CNTN3: variants seen among roughly 807,000 people sequenced by gnomAD.
The protein encoded by CNTN3 is contactin-3.
CNTN3 carries 60 observed loss-of-function variants against 119.1 expected under a neutral mutation model. The ratio of observed to expected loss-of-function variants is 0.50; its 90% CI spans 0.41 to 0.62. The LOEUF (loss-of-function observed/expected upper bound fraction) is 0.62, where lower values mean the gene tolerates loss of function less well. Among genes scored for constraint, CNTN3 ranks in the 20% least tolerant of loss-of-function variants. The pLI is 0.00. For missense variants in CNTN3, 1,101 were observed against 1,242.4 expected (o/e 0.89, Z 1.71); for synonymous variants, 450 against 438.7 (o/e 1.03, Z -0.32).
At position 74,301,467 on chromosome 3, in the gene CNTN3, C is replaced by G. The variant is rs140661839; in HGVS notation, c.2026G>C (p.Val676Leu). The G allele has an allele frequency of 1.8e-3, 2,912 of 1,613,898 alleles. 5 individuals are homozygous for G. Among genetic ancestry groups the G allele is most frequent in the Non-Finnish European group, 2.3e-3 (2,772 of 1,179,950 alleles). The change falls in exon 16 of 23, where the codon GTA becomes CTA. Residue 676 changes from valine (V) to leucine (L), a missense_variant. By Grantham distance (32) the Val-to-Leu change is conservative (BLOSUM62 1). Transcript: ENST00000263665. ...NPWVEYEFRV[V>L]ASNKIGGGEP... ...CCACCTCCAATTTTGTTACTGGCTA[C>G]AACCCGAAATTCATATTCCACCCAT... is the stretch of plus-strand genomic sequence containing the variant.
intron 1 of CNTN3, among the ~76,000 whole-genome samples, chr3:74,532,675 G>T (rs1254929374): frequency 3.9e-5 from 6 of 151,922 alleles, no homozygotes; most frequent in Admixed American, 3.9e-4. Context: ...TAGCAGAATG[G>T]TGTGAGATTT....
intron 13 of CNTN3, among the ~76,000 whole-genome samples, chr3:74,303,369 T>C (rs1245147880): frequency 6.6e-6 from 1 of 152,120 alleles, no homozygotes; most frequent in African/African-American, 2.4e-5. Context: ...AACCCCTCAA[T>C]AAGAAGAAAT....
At chr3:74,309,958 T>C (rs1702645139) in intron 13 of CNTN3, among the ~76,000 whole-genome samples, 1 of 152,236 alleles carries the variant, frequency 6.6e-6, no homozygotes, top group South Asian at 2.1e-4. Context: ...ATTGACATAA[T>C]TCAACATGGT....
Position 74,266,619 on chromosome 3 carries a change from C to A in CNTN3, c.2848G>T (p.Val950Leu). Residue 950 changes from valine (V) to leucine (L), a missense_variant, in exon 22 of 23, where the codon GTA becomes TTA. Val to Leu is a conservative substitution (Grantham distance 32). Transcript: ENST00000263665. ...VFYRTSSQNN[V>L]QVLNTNKTSA... ...GTTTTATTTGTGTTCAGTACTTGTACGTTATTTTGACTGCTAGTCCTATAG... is the reference window on the plus strand; with the variant it reads ...GTTTTATTTGTGTTCAGTACTTGTAAGTTATTTTGACTGCTAGTCCTATAG... 6.2e-7 allele frequency: 1 copy of A among 1,613,276 alleles called. No homozygotes were observed. Among genetic ancestry groups the A allele is most frequent in the Non-Finnish European group, 8.5e-7 (1 of 1,179,456 alleles).
rs116355651 is a variant in CNTN3 at position 74,531,498 on chromosome 3, C to T, written c.-80-10306G>A. On this transcript the variant is annotated intron_variant, in intron 1 of 22. Coordinates refer to ENST00000263665, the MANE Select transcript of CNTN3 (RefSeq NM_020872.3). ...TGAGGTAATTCTTAGAGAAAAAGGT[C>T]GGCTTACCTAGGAGATAAGGAAAGA... is the stretch of plus-strand genomic sequence containing the variant. Among the ~76,000 whole-genome samples, 659 of 152,000 alleles carry T rather than the reference C, an allele frequency of 4.3e-3. 6 individuals are homozygous for T. Among genetic ancestry groups the T allele is most frequent in the African/African-American group, 0.015 (627 of 41,498 alleles).
At chr3:74,559,157 G>A (rs1025754871) in intron 1 of CNTN3, among the ~76,000 whole-genome samples, 5 of 152,028 alleles carry the variant, frequency 3.3e-5, no homozygotes, top group African/African-American at 1.2e-4. Context: ...CTAAACCCCA[G>A]TTCTGACACT....
intron 1 of CNTN3, among the ~76,000 whole-genome samples, chr3:74,549,031 G>T (rs987882661): frequency 1.1e-4 from 16 of 152,138 alleles, no homozygotes; most frequent in Admixed American, 8.5e-4. Context: ...ACAACATCAT[G>T]TTAATCAGAC....
intron 8 of CNTN3, among the ~76,000 whole-genome samples, chr3:74,367,580 A>C (rs1704230323): frequency 6.6e-6 from 1 of 152,036 alleles, no homozygotes; most frequent in Non-Finnish European, 1.5e-5. Context: ...AGGATGAGTA[A>C]CAACTGATGT....
chr3:74,585,527 T>C (rs1195581767), intron 1 of CNTN3, among the ~76,000 whole-genome samples: 1 of 152,160 alleles, frequency 6.6e-6, no homozygotes, highest in Non-Finnish European at 1.5e-5. Context: ...GTGACCATCC[T>C]ATATAGTATA....
intron 1 of CNTN3, among the ~76,000 whole-genome samples, chr3:74,588,915 G>A (rs1286903636): frequency 6.6e-6 from 1 of 151,948 alleles, no homozygotes; most frequent in Admixed American, 6.6e-5. Context: ...GTAGAAAGCT[G>A]AAACTGGATC....
At chr3:74,278,215 A>G (rs909048327) in intron 20 of CNTN3, among the ~76,000 whole-genome samples, 1 of 152,140 alleles carries the variant, frequency 6.6e-6, no homozygotes, top group African/African-American at 2.4e-5. Context: ...AATTCAATGC[A>G]AATCCCATCA....
chr3:74,498,451 T>C (rs1194625818), intron 3 of CNTN3, among the ~76,000 whole-genome samples: 3 of 151,880 alleles, frequency 2.0e-5, no homozygotes, highest in Non-Finnish European at 2.9e-5. Context: ...AAAAACTTTT[T>C]CTCATCTTTG....
intron 1 of CNTN3, among the ~76,000 whole-genome samples, chr3:74,545,668 TCTTTAAATATGAAATTTA>T (rs1215878562): frequency 6.6e-6 from 1 of 152,228 alleles, no homozygotes; most frequent in Admixed American, 6.5e-5. Context: ...TACAGGATAA[TCTTTAAATATGAAATTTA>T]CTTTCTTAGG....
chr3:74,503,322 T>C (rs1420527837), intron 2 of CNTN3, among the ~76,000 whole-genome samples: 1 of 152,124 alleles, frequency 6.6e-6, no homozygotes, highest in Non-Finnish European at 1.5e-5. Flanking sequence ...GAGGCACATA[T>C]CTGCCATCTC....
chr3:74,428,595 A>G (rs1315991484), intron 4 of CNTN3, among the ~76,000 whole-genome samples: 1 of 152,248 alleles, frequency 6.6e-6, no homozygotes, highest in Non-Finnish European at 1.5e-5. Flanking sequence ...TTATGGGTCA[A>G]AATTCATAAA....
intron 1 of CNTN3, among the ~76,000 whole-genome samples, chr3:74,556,454 C>G (rs1704071591): frequency 6.6e-6 from 1 of 152,136 alleles, no homozygotes; most frequent in Non-Finnish European, 1.5e-5. Context: ...TTTCAAGGTA[C>G]ATTCATGAAA....
intron 4 of CNTN3, among the ~76,000 whole-genome samples, chr3:74,481,028 T>C (rs1200526759): frequency 6.6e-6 from 1 of 151,836 alleles, no homozygotes; most frequent in Non-Finnish European, 1.5e-5. Flanking sequence ...TATATTACCA[T>C]ATAAACTAGA....
At chr3:74,308,616 A>T (rs1053403193) in intron 13 of CNTN3, among the ~76,000 whole-genome samples, 2 of 146,876 alleles carry the variant, frequency 1.4e-5, no homozygotes, top group East Asian at 2.0e-4. Flanking sequence ...CAACTTGGGA[A>T]TTTTTTTTTT....
At chr3:74,516,494 A>C (rs888305142) in intron 2 of CNTN3, among the ~76,000 whole-genome samples, 29 of 150,874 alleles carry the variant, frequency 1.9e-4, no homozygotes, top group Non-Finnish European at 2.1e-4. Flanking sequence ...CTTTACTGTA[A>C]GAATACAGAA....
Sources: gnomAD v4.1 joint callset for allele counts (sites outside exome capture counted in the v4.1 genomes callset) on GRCh38, gnomAD v4.1.1 for gene constraint, MANE v1.5 for transcripts, NCBI Gene and HGNC (gene_info 2026-07-23, HGNC 2026-07-21) for gene names.